Variants in ANO10 observed in about 807,000 individuals in gnomAD.
The protein encoded by ANO10 is anoctamin-10.
ANO10 carries 77 observed loss-of-function variants against 74.7 expected under a neutral mutation model. That is an observed-to-expected ratio of 1.03 (90% CI 0.86 to 1.25). The LOEUF is 1.25. Ranked by LOEUF, ANO10 falls within the 50% of genes most tolerant of loss-of-function variation. ANO10 has a pLI of 0.00. For missense variants in ANO10, 721 were observed against 778.1 expected, an observed-to-expected ratio of 0.93 and a Z score of 0.87; for synonymous variants, 279 against 284.9, an observed-to-expected ratio of 0.98 and a Z score of 0.21.
intron 11 of ANO10, among the ~76,000 whole-genome samples, chr3:43,439,036 A>C (rs1038774496): frequency 1.3e-5 from 2 of 152,174 alleles, no homozygotes; most frequent in Admixed American, 1.3e-4. Context: ...CAAATTCAAG[A>C]AGCTGAAAGG....
intron 11 of ANO10, among the ~76,000 whole-genome samples, chr3:43,469,748 TAG>T (rs1423061411): frequency 6.6e-6 from 1 of 152,204 alleles, no homozygotes; most frequent in African/African-American, 2.4e-5. Context: ...TTCTAATGAC[TAG>T]AGTCTTTAAA....
At chr3:43,671,436 G>A (rs546033668) in intron 1 of ANO10, among the ~76,000 whole-genome samples, 56 of 152,208 alleles carry the variant, frequency 3.7e-4, no homozygotes, top group African/African-American at 1.3e-3. Context: ...TAGGTGTAGT[G>A]AACTGGAAGC....
chr3:43,484,905 T>C, intron 11 of ANO10: 2 of 678,232 alleles, frequency 2.9e-6, no homozygotes, highest in Middle Eastern at 4.1e-4. Context: ...TTACAGTTTA[T>C]GTCTTTTTTT....
chr3:43,664,271 G>A (rs2083961195), intron 1 of ANO10, among the ~76,000 whole-genome samples: 1 of 152,228 alleles, frequency 6.6e-6, no homozygotes, highest in South Asian at 2.1e-4. Context: ...ACACACACAA[G>A]CAATGGGGAA....
chr3:43,525,097 C>T lies in ANO10; in HGVS notation c.1797+24623G>A, dbSNP rs138290479. On this transcript the variant is annotated intron_variant, in intron 11 of 12. Coordinates refer to ENST00000292246, the MANE Select transcript of ANO10 (RefSeq NM_018075.5). Reference sequence around the variant, plus strand: ...TGTTGAGGTCATCACCACAGCCATACTCTTACCCCCCACCGACCAATGACT... The same window carrying T: ...TGTTGAGGTCATCACCACAGCCATATTCTTACCCCCCACCGACCAATGACT... Among the ~76,000 whole-genome samples the T allele has an allele frequency of 3.2e-3, 480 of 152,232 alleles. 4 individuals are homozygous for T. The highest frequency in any genetic ancestry group is 0.011 in the African/African-American group (456 of 41,522).
At chr3:43,643,805 TC>T (rs2149564883) in intron 1 of ANO10, among the ~76,000 whole-genome samples, 1 of 150,344 alleles carries the variant, frequency 6.7e-6, no homozygotes, top group Admixed American at 6.6e-5. Flanking sequence ...TGCCTCAGCC[TC>T]CTGAGTAGCT....
intron 1 of ANO10, among the ~76,000 whole-genome samples, chr3:43,660,767 C>T (rs1189030794): frequency 6.6e-6 from 1 of 152,096 alleles, no homozygotes. Context: ...CCTGCCTGAC[C>T]AACATGGAGA....
chr3:43,497,663 G>C lies in ANO10; in HGVS notation c.1797+52057C>G, dbSNP rs141238660. Among the ~76,000 whole-genome samples the C allele has an allele frequency of 2.0e-5, 3 of 152,224 alleles. No homozygotes were observed. The East Asian group carries it at 5.8e-4, about 29-fold the overall frequency. Reference sequence around the variant, plus strand: ...GTCCCTGGAGTGAGGGAAGGGAGGGGCCCCTACCACCTCCCAGATGCCCTC... The same window carrying C: ...GTCCCTGGAGTGAGGGAAGGGAGGGCCCCCTACCACCTCCCAGATGCCCTC... On this transcript the variant is annotated intron_variant, in intron 11 of 12. Coordinates refer to ENST00000292246, the MANE Select transcript of ANO10 (RefSeq NM_018075.5).
intron 1 of ANO10, among the ~76,000 whole-genome samples, chr3:43,682,299 C>T (rs1469120015): frequency 6.6e-6 from 1 of 152,310 alleles, no homozygotes; most frequent in East Asian, 1.9e-4. Context: ...ATAATATAAA[C>T]ACCCGTATGC....
intron 9 of ANO10, among the ~76,000 whole-genome samples, chr3:43,560,204 C>T (rs1389812066): frequency 2.0e-5 from 3 of 152,188 alleles, no homozygotes; most frequent in Non-Finnish European, 4.4e-5. Flanking sequence ...AGCATGCCAC[C>T]TACTGGCTCT....
chr3:43,491,112 T>C (rs550466766), intron 11 of ANO10, among the ~76,000 whole-genome samples: 2 of 152,210 alleles, frequency 1.3e-5, no homozygotes, highest in East Asian at 3.9e-4. Context: ...AAACACACTG[T>C]GCATGCTCAT....
At chr3:43,648,828 C>G (rs1288207455) in intron 1 of ANO10, among the ~76,000 whole-genome samples, 1 of 152,186 alleles carries the variant, frequency 6.6e-6, no homozygotes, top group Non-Finnish European at 1.5e-5. Flanking sequence ...AGGCGCCCAC[C>G]ACCACGTCCG....
intron 12 of ANO10, among the ~76,000 whole-genome samples, chr3:43,389,822 G>A (rs1338950655): frequency 1.3e-5 from 2 of 152,130 alleles, no homozygotes. Flanking sequence ...CAGTGCCCTC[G>A]GAAAAGCCAG....
intron 12 of ANO10, among the ~76,000 whole-genome samples, chr3:43,415,982 A>T (rs1426485605): frequency 6.6e-6 from 1 of 151,964 alleles, no homozygotes; most frequent in African/African-American, 2.4e-5. Flanking sequence ...GGCTTTCCAC[A>T]ACTGACATTT....
intron 1 of ANO10, among the ~76,000 whole-genome samples, chr3:43,671,563 A>C (rs2084059851): frequency 6.6e-6 from 1 of 152,182 alleles, no homozygotes; most frequent in Non-Finnish European, 1.5e-5. Context: ...TTTTGTTTTA[A>C]AGGTCTGATA....
chr3:43,575,466 C>T (rs545069867), intron 6 of ANO10, among the ~76,000 whole-genome samples: 1 of 152,304 alleles, frequency 6.6e-6, no homozygotes, highest in Admixed American at 6.5e-5. Context: ...GGGTAAGTTA[C>T]TTAACCTCCT....
intron 11 of ANO10, among the ~76,000 whole-genome samples, chr3:43,451,316 G>A (rs1395811203): frequency 1.3e-5 from 2 of 152,190 alleles, no homozygotes; most frequent in Non-Finnish European, 2.9e-5. Context: ...TGAGGCTGCT[G>A]TACCCACCGA....
intron 9 of ANO10, among the ~76,000 whole-genome samples, chr3:43,559,639 G>C (rs890315962): frequency 1.3e-5 from 2 of 151,990 alleles, no homozygotes; most frequent in African/African-American, 4.8e-5. Flanking sequence ...CAAAGATGAG[G>C]GGGGATGGAA....
At chr3:43,544,564 AG>A (rs2149289777) in intron 11 of ANO10, among the ~76,000 whole-genome samples, 1 of 152,232 alleles carries the variant, frequency 6.6e-6, no homozygotes, top group South Asian at 2.1e-4. Context: ...AGGCTGAGGC[AG>A]GCAGATCACT....
Sources: allele counts gnomAD v4.1 joint callset (sites outside exome capture counted in the v4.1 genomes callset), GRCh38; gene constraint gnomAD v4.1.1; transcripts MANE v1.5; gene names NCBI Gene and HGNC (gene_info 2026-07-23, HGNC 2026-07-21).